Variants in H4C15 observed in about 807,000 individuals in gnomAD.
The protein encoded by H4C15 is H4 clustered histone 15, also known as histone H4.
At chr1:149,848,463 A>G in the H4C15 span, 3 of 152,344 alleles carry the variant, frequency 2.0e-5, no homozygotes, top group East Asian at 1.9e-4. Flanking sequence ...CATATTGTCT[A>G]TAATCATTCT....
At chr1:149,850,191 G>C (rs73004324), downstream of H4C15, 149 of 698,460 alleles carry the variant, frequency 2.1e-4, no homozygotes, top group African/African-American at 7.7e-4. Context: ...AAAGAAAATA[G>C]TTATCTGTGC....
the H4C15 span, chr1:149,848,082 T>G: frequency 2.0e-5 from 3 of 152,232 alleles, no homozygotes; most frequent in Non-Finnish European, 4.4e-5. Context: ...TAAAATTTTT[T>G]GATTTAGTTT....
At chr1:149,845,991 T>C in the H4C15 span, 3 of 152,172 alleles carry the variant, frequency 2.0e-5, no homozygotes, top group East Asian at 3.9e-4. Context: ...AAATATCAAA[T>C]AGGAAGTCAG....
chr1:149,849,133 C>G (rs1029217864), downstream of H4C15: 8 of 152,222 alleles, frequency 5.3e-5, no homozygotes, highest in Admixed American at 1.3e-4. Flanking sequence ...TCACTGTTAG[C>G]TAAATCCTGT....
downstream of H4C15, chr1:149,850,199 T>C (rs1553757563): frequency 1.4e-6 from 1 of 724,424 alleles, no homozygotes; most frequent in Non-Finnish European, 2.4e-6. Context: ...TAGTTATCTG[T>C]GCTTGGTGTT....
chr1:149,850,249 CA>C, downstream of H4C15: 2 of 1,135,106 alleles, frequency 1.8e-6, no homozygotes, highest in South Asian at 1.3e-5. Context: ...AAGCCAAAAA[CA>C]TCAACTGGGA....
chr1:149,858,645 AAGGAAGGG>A (rs1202922521), downstream of H4C15, among the ~76,000 whole-genome samples: 1,609 of 85,146 alleles, frequency 0.019, 327 homozygotes, highest in African/African-American at 0.099. Flanking sequence ...GAAAGGAAGG[AAGGAAGGG>A]AGGGAGGGAG....
chr1:149,849,327 T>C (rs1372478764), downstream of H4C15, among the ~76,000 whole-genome samples: 1 of 152,226 alleles, frequency 6.6e-6, no homozygotes, highest in Non-Finnish European at 1.5e-5. Flanking sequence ...TAACTTCAAG[T>C]AATGCTGATG....
chr1:149,855,384 G>GGTTGT (rs1389047642), downstream of H4C15, among the ~76,000 whole-genome samples: 1 of 139,184 alleles, frequency 7.2e-6, no homozygotes, highest in Non-Finnish European at 1.6e-5. Flanking sequence ...GTGGGGGACA[G>GGTTGT]GTGTGTGTGT....
downstream of H4C15, chr1:149,850,408 C>A: frequency 9.0e-7 from 1 of 1,114,070 alleles, no homozygotes; most frequent in Non-Finnish European, 1.3e-6. Flanking sequence ...TTGGAGCTGG[C>A]GTACTTGGTG....
the H4C15 span, chr1:149,848,328 G>A: frequency 2.0e-5 from 3 of 152,044 alleles, no homozygotes; most frequent in African/African-American, 7.2e-5. Context: ...ATTCAAACTG[G>A]TATAAGTAAA....
chr1:149,849,010 T>A, the H4C15 span: 1 of 152,158 alleles, frequency 6.6e-6, no homozygotes, highest in South Asian at 2.1e-4. Flanking sequence ...CTTCTCAAAT[T>A]TCAGTCGGAA....
the H4C15 span, chr1:149,848,469 A>G: frequency 6.6e-6 from 1 of 152,226 alleles, no homozygotes; most frequent in Non-Finnish European, 1.5e-5. Flanking sequence ...GTCTATAATC[A>G]TTCTTGCCTT....
chr1:149,848,912 C>G, the H4C15 span: 1 of 152,134 alleles, frequency 6.6e-6, no homozygotes, highest in African/African-American at 2.4e-5. Context: ...ACAGGTAGAC[C>G]CTAAAGACAG....
At chr1:149,847,491 A>C in the H4C15 span, 3 of 152,248 alleles carry the variant, frequency 2.0e-5, no homozygotes, top group African/African-American at 7.2e-5. Context: ...GCCCTAATCC[A>C]GTATGACTGA....
chr1:149,845,992 A>T, the H4C15 span: 1 of 152,142 alleles, frequency 6.6e-6, no homozygotes, highest in Non-Finnish European at 1.5e-5. Flanking sequence ...AATATCAAAT[A>T]GGAAGTCAGA....
chr1:149,846,549 C>A, the H4C15 span: 1 of 151,800 alleles, frequency 6.6e-6, no homozygotes, highest in Non-Finnish European at 1.5e-5. Flanking sequence ...AATTTTAAAC[C>A]TACAGAAAAG....
downstream of H4C15, chr1:149,850,660 G>A (rs2092174829): frequency 2.2e-6 from 1 of 447,534 alleles, no homozygotes; most frequent in Non-Finnish European, 3.8e-6. Flanking sequence ...CGTAGATGGA[G>A]TAGCTCTCCT....
At chr1:149,850,585 C>T, downstream of H4C15, 1 of 603,754 alleles carries the variant, frequency 1.7e-6, no homozygotes, top group South Asian at 1.9e-5. Flanking sequence ...GGAAGGAGTT[C>T]ATGATGCCCA....
Sources: allele counts gnomAD v4.1 joint callset (sites outside exome capture counted in the v4.1 genomes callset), GRCh38; gene constraint gnomAD v4.1.1; transcripts MANE v1.5; gene names NCBI Gene and HGNC (gene_info 2026-07-23, HGNC 2026-07-21).